Variants in WDFY4 observed in about 807,000 individuals in gnomAD.
The protein encoded by WDFY4 is WDFY family member 4, also known as WD repeat- and FYVE domain-containing protein 4.
A neutral mutation model predicts 351.9 loss-of-function variants in WDFY4; 169 were observed. The ratio of observed to expected loss-of-function variants is 0.48; its 90% CI spans 0.42 to 0.55. The LOEUF (loss-of-function observed/expected upper bound fraction) is 0.55. WDFY4 is among the 20% of genes least tolerant of loss of function. The pLI is 0.00. For synonymous variants in WDFY4, 1,622 were observed against 1,574.6 expected, an observed-to-expected ratio of 1.03 and a Z score of -0.71; for missense variants, 3,803 against 3,935.6, an observed-to-expected ratio of 0.97 and a Z score of 0.90.
chr10:48,730,699 T>C (rs2064431490), intron 8 of WDFY4, among the ~76,000 whole-genome samples: 1 of 152,246 alleles, frequency 6.6e-6, no homozygotes, highest in African/African-American at 2.4e-5. Flanking sequence ...TAAATGTAAA[T>C]TTTAACTTTA....
intron 43 of WDFY4, among the ~76,000 whole-genome samples, chr10:48,878,294 C>T (rs529043156): frequency 6.6e-5 from 10 of 152,162 alleles, no homozygotes; most frequent in South Asian, 2.1e-4. Flanking sequence ...GATAAATGCA[C>T]GAGAGCTGGA....
chr10:48,774,853 C>A (rs951880800), intron 14 of WDFY4, among the ~76,000 whole-genome samples, 181 bp downstream of exon 14: 1 of 152,172 alleles, frequency 6.6e-6, no homozygotes, highest in Non-Finnish European at 1.5e-5. Context: ...TGTGCAGGTG[C>A]CCACAAAGCA....
intron 40 of WDFY4, among the ~76,000 whole-genome samples, chr10:48,868,132 GA>G (rs1564431940): frequency 2.0e-5 from 3 of 152,184 alleles, no homozygotes; most frequent in African/African-American, 7.2e-5. Flanking sequence ...CCAGGAAACA[GA>G]AGAGGCACTA....
chr10:48,686,937 C>T (rs977297029), intron 1 of WDFY4, among the ~76,000 whole-genome samples: 2 of 152,158 alleles, frequency 1.3e-5, no homozygotes, highest in South Asian at 2.1e-4. Flanking sequence ...TACTGGATGT[C>T]ACCACGTTGT....
chr10:48,881,148 G>A (rs1242732986), intron 43 of WDFY4, among the ~76,000 whole-genome samples: 1 of 152,218 alleles, frequency 6.6e-6, no homozygotes, highest in Non-Finnish European at 1.5e-5. Context: ...TCAGTCTCTG[G>A]CATCTGCTGT....
At chr10:48,865,300 AT>A (rs1425423961) in intron 39 of WDFY4, among the ~76,000 whole-genome samples, 8 of 151,998 alleles carry the variant, frequency 5.3e-5, no homozygotes, top group African/African-American at 1.9e-4. Context: ...ATTTTTGTCA[AT>A]TTTTTTAAAT....
At chr10:48,893,782 C>T (rs368825226) in intron 44 of WDFY4, among the ~76,000 whole-genome samples, 26 of 152,214 alleles carry the variant, frequency 1.7e-4, no homozygotes, top group African/African-American at 6.3e-4. Flanking sequence ...TATCAAAGAA[C>T]AGGTCAACCA....
chr10:48,886,693 G>T (rs1360408885), intron 43 of WDFY4, among the ~76,000 whole-genome samples: 1 of 152,170 alleles, frequency 6.6e-6, no homozygotes, highest in African/African-American at 2.4e-5. Flanking sequence ...CCAGTCTGGG[G>T]TATTCTGTTA....
Position 48,792,463 on chromosome 10 carries a change from G to A in WDFY4, c.4257+1546G>A, listed in dbSNP as rs2066717081. Among the ~76,000 whole-genome samples, 3 of 152,164 alleles carry A rather than the reference G, an allele frequency of 2.0e-5. No homozygotes were observed. The South Asian group carries it at 6.2e-4, about 32-fold the overall frequency. ...TGAAGACACTCAGTACATGTTTTGG[G>A]AATGAGTAAATGGGTATGTCTGAGT... On this transcript the variant is annotated intron_variant, in intron 23 of 61. Coordinates refer to ENST00000325239, the MANE Select transcript of WDFY4 (RefSeq NM_001394531.1).
At chr10:48,693,916 C>T (rs4838639) in intron 1 of WDFY4, among the ~76,000 whole-genome samples, 6,062 of 152,250 alleles carry the variant, frequency 0.04, 184 homozygotes, top group African/African-American at 0.08. Flanking sequence ...CTATCTGTGA[C>T]GTAGGTGGTT....
In WDFY4 at chr10:48,699,103, T is replaced by G. The variant is rs550684432; in HGVS notation, c.-17-10613T>G. 1.4e-3 allele frequency among the ~76,000 whole-genome samples: 213 copies of G among 152,236 alleles called. 1 individual carries two copies. Among genetic ancestry groups the G allele is most frequent in the African/African-American group, 5.0e-3 (209 of 41,532 alleles). The stretch of plus-strand genomic sequence containing the variant: ...TCCTCCACAGACAGCCACGCTCACC[T>G]GGTTTTTGCCCCAGGGGGAGGTGAG... On this transcript the variant is annotated intron_variant, in intron 1 of 61. Transcript: ENST00000325239.
intron 6 of WDFY4, among the ~76,000 whole-genome samples, chr10:48,727,237 C>A (rs77855602): frequency 0.021 from 3,246 of 152,322 alleles, 127 homozygotes; most frequent in African/African-American, 0.074. Context: ...GGACAGAGGG[C>A]TGAGGGGCTG....
chr10:48,862,004 C>T (rs917390489), intron 39 of WDFY4, among the ~76,000 whole-genome samples: 1 of 152,136 alleles, frequency 6.6e-6, no homozygotes, highest in Non-Finnish European at 1.5e-5. Flanking sequence ...TTCTTTATAT[C>T]TTCTATTTAT....
At chr10:48,748,326 A>G (rs2065074220) in intron 12 of WDFY4, among the ~76,000 whole-genome samples, 1 of 152,230 alleles carries the variant, frequency 6.6e-6, no homozygotes, top group South Asian at 2.1e-4. Flanking sequence ...AATTTTATCA[A>G]TAAGGAAACA....
At chr10:48,756,880 A>G (rs2065353752) in intron 12 of WDFY4, among the ~76,000 whole-genome samples, 1 of 152,078 alleles carries the variant, frequency 6.6e-6, no homozygotes, top group Non-Finnish European at 1.5e-5. Flanking sequence ...TTCATTAGGT[A>G]TACTGAAATG....
At chr10:48,816,165 CAT>C (rs1417260808) in intron 31 of WDFY4, among the ~76,000 whole-genome samples, 1 of 152,076 alleles carries the variant, frequency 6.6e-6, no homozygotes, top group South Asian at 2.1e-4. Context: ...TCCTTTAACT[CAT>C]GTCATTTTCT....
At position 48,959,782 on chromosome 10, in the gene WDFY4, A is replaced by C; in HGVS notation, c.8192A>C (p.Asp2731Ala). ...DVQLPPWADG[D>A]PRKFISLHRK... ...CAGCTCCCTCCCTGGGCTGATGGGG[A>C]CCCTCGGAAATTCATCAGCCTGCAC... The change falls in exon 53 of 62, where the codon GAC (aspartate) becomes GCC (alanine). Residue 2731 changes from aspartate to alanine, a missense_variant. Asp to Ala is a moderately radical substitution (Grantham distance 126, BLOSUM62 -2). Transcript: ENST00000325239. The C allele has an allele frequency of 6.4e-7, 1 of 1,550,964 alleles. No individual in the cohort carries two copies. The highest frequency in any genetic ancestry group is 8.7e-7 in the Non-Finnish European group (1 of 1,146,656).
At chr10:48,834,978 G>A (rs954290057) in intron 39 of WDFY4, among the ~76,000 whole-genome samples, 1 of 152,200 alleles carries the variant, frequency 6.6e-6, no homozygotes, top group African/African-American at 2.4e-5. Flanking sequence ...TGAGAGATCT[G>A]GGAGAAAGAA....
At chr10:48,900,884 G>T (rs1175761459) in intron 46 of WDFY4, among the ~76,000 whole-genome samples, 1 of 152,192 alleles carries the variant, frequency 6.6e-6, no homozygotes, top group African/African-American at 2.4e-5. Context: ...CAGTAGATTG[G>T]TTTGTAGTGA....
Sources: gnomAD v4.1 joint callset for allele counts (sites outside exome capture counted in the v4.1 genomes callset) on GRCh38, gnomAD v4.1.1 for gene constraint, MANE v1.5 for transcripts, NCBI Gene and HGNC (gene_info 2026-07-23, HGNC 2026-07-21) for gene names.